PHLDB2: variants seen among roughly 807,000 people sequenced by gnomAD.
PHLDB2 encodes the protein pleckstrin homology-like domain family B member 2.
In PHLDB2, 71 loss-of-function variants were observed where a neutral mutation model predicts 123.6. The observed-to-expected ratio is 0.57, with a 90% CI of 0.47 to 0.70. PHLDB2 has a LOEUF of 0.70. PHLDB2 is among the 30% of genes least tolerant of loss of function. PHLDB2 has a pLI of 0.00. For missense variants in PHLDB2, 1,446 were observed against 1,519.5 expected, an observed-to-expected ratio of 0.95 and a Z score of 0.80; for synonymous variants, 547 against 541.6, an observed-to-expected ratio of 1.01 and a Z score of -0.14.
chr3:111,911,860 ATGTAT>A, intron 2 of PHLDB2: 1 of 739,876 alleles, frequency 1.4e-6, no homozygotes, highest in Admixed American at 2.2e-5. Flanking sequence ...CATTTGAGTA[ATGTAT>A]TTAATGGAAC....
chr3:111,939,387 G>A (rs1052361641), intron 6 of PHLDB2, 88 bp from the exon 7 acceptor site: 2 of 1,353,836 alleles, frequency 1.5e-6, no homozygotes, highest in Non-Finnish European at 2.0e-6. Context: ...AGATATCTTG[G>A]ACCAACTGCT....
rs376623815 is a variant in PHLDB2 at position 111,948,903 on chromosome 3, G to C, written c.2488-29G>C. ...GCATGCCTCAGCTTTTGCTTTCTTT[G>C]TGTTTAACTTCTGAATTCCTCCTTT... On this transcript the variant is annotated intron_variant, in intron 9 of 17. Coordinates refer to ENST00000431670, the MANE Select transcript of PHLDB2 (RefSeq NM_001134438.2). 885 of 1,610,726 alleles carry C rather than the reference G, an allele frequency of 5.5e-4. 1 individual carries two copies. Among genetic ancestry groups the C allele is most frequent in the Non-Finnish European group, 7.1e-4 (831 of 1,178,392 alleles).
intron 2 of PHLDB2, among the ~76,000 whole-genome samples, chr3:111,847,047 T>C (rs2064025968): frequency 1.3e-5 from 2 of 152,178 alleles, no homozygotes; most frequent in Admixed American, 1.3e-4. Flanking sequence ...GTGACTGGAA[T>C]GCTCCCTCCT....
chr3:111,917,738 A>G (rs972810449), intron 3 of PHLDB2: 1 of 152,256 alleles, frequency 6.6e-6, no homozygotes, highest in African/African-American at 2.4e-5. Context: ...CACTTTAGAA[A>G]GCTACAAAGT....
chr3:111,935,365 A>G lies in PHLDB2; in HGVS notation c.2130+2968A>G, dbSNP rs570623677. Among the ~76,000 whole-genome samples the G allele has an allele frequency of 9.9e-5, 15 of 152,216 alleles. No individual in the cohort carries two copies. The South Asian group carries it at 2.9e-3, about 29-fold the overall frequency. On this transcript the variant is annotated intron_variant, in intron 6 of 17. Coordinates refer to ENST00000431670, the MANE Select transcript of PHLDB2 (RefSeq NM_001134438.2). Reference sequence around the variant, plus strand: ...AAAGACCTTTTTACTGTCACTGGCTATAAAATTAGTTTATCCATTAGTCTT... The same window carrying G: ...AAAGACCTTTTTACTGTCACTGGCTGTAAAATTAGTTTATCCATTAGTCTT...
chr3:111,758,313 T>C (rs1267297025), intron 1 of PHLDB2, among the ~76,000 whole-genome samples: 1 of 152,188 alleles, frequency 6.6e-6, no homozygotes, highest in Non-Finnish European at 1.5e-5. Context: ...CAATGGTGGG[T>C]GCCCCTCCCC....
At chr3:111,781,414 A>G (rs2060472018) in intron 1 of PHLDB2, among the ~76,000 whole-genome samples, 1 of 152,020 alleles carries the variant, frequency 6.6e-6, no homozygotes, top group African/African-American at 2.4e-5. Flanking sequence ...TACATTCTGT[A>G]TCCACAGCCC....
chr3:111,816,798 T>A (rs561057629), intron 1 of PHLDB2, among the ~76,000 whole-genome samples: 2 of 152,336 alleles, frequency 1.3e-5, no homozygotes, highest in South Asian at 4.1e-4. Context: ...AGTGGAATGA[T>A]ATGACTTGGC....
intron 1 of PHLDB2, 50 bp from the exon 2 acceptor site, chr3:111,884,014 T>C: frequency 6.6e-7 from 1 of 1,514,044 alleles, no homozygotes; most frequent in East Asian, 2.3e-5. Context: ...AAGGGATTGT[T>C]CTTTTAAAAT....
chr3:111,966,052 T>A (rs2071729465), intron 13 of PHLDB2, among the ~76,000 whole-genome samples: 1 of 152,192 alleles, frequency 6.6e-6, no homozygotes, highest in African/African-American at 2.4e-5. Context: ...GGAGAAGTCA[T>A]GTTTTAATTG....
In PHLDB2 at chr3:111,927,967, A is replaced by G. The variant is rs1270409731; in HGVS notation, c.2002-4302A>G. On this transcript the variant is annotated intron_variant, in intron 5 of 17. Transcript: ENST00000431670. ...CTTTTAACCATCTAGCAGAATAAGT[A>G]GTCTTTTGACAAGCCTTGCGTTTTT... Among the ~76,000 whole-genome samples the G allele has an allele frequency of 2.0e-5, 3 of 152,272 alleles. No homozygotes were observed. The East Asian group carries it at 5.8e-4, about 29-fold the overall frequency.
intron 1 of PHLDB2, among the ~76,000 whole-genome samples, chr3:111,860,974 C>T (rs1282993): frequency 1.1e-3 from 166 of 152,224 alleles, no homozygotes; most frequent in African/African-American, 3.8e-3. Flanking sequence ...TTTTAAGCTT[C>T]CTAGTTTGGT....
At chr3:111,891,431 C>T (rs1827184) in intron 2 of PHLDB2, among the ~76,000 whole-genome samples, 90,867 of 150,822 alleles carry the variant, frequency 0.6, 28,097 homozygotes, top group East Asian at 0.94. Context: ...CTGGGTTGCG[C>T]GCTCCTTATG....
At chr3:111,800,181 A>G (rs1382254528) in intron 1 of PHLDB2, among the ~76,000 whole-genome samples, 1 of 151,914 alleles carries the variant, frequency 6.6e-6, no homozygotes, top group Non-Finnish European at 1.5e-5. Context: ...AGTTTTTGCA[A>G]TTTTCTGTAG....
At chr3:111,772,486 G>C (rs781381305) in intron 1 of PHLDB2, among the ~76,000 whole-genome samples, 2 of 152,082 alleles carry the variant, frequency 1.3e-5, no homozygotes, top group Non-Finnish European at 2.9e-5. Flanking sequence ...GTTTTTGTTT[G>C]GTTTAACCCC....
chr3:111,836,032 G>C (rs2108520017), intron 1 of PHLDB2, among the ~76,000 whole-genome samples: 1 of 152,336 alleles, frequency 6.6e-6, no homozygotes, highest in South Asian at 2.1e-4. Context: ...ATGTAAGCCA[G>C]TGGGGCCATT....
intron 1 of PHLDB2, among the ~76,000 whole-genome samples, chr3:111,756,941 G>GA (rs1455055457): frequency 6.6e-6 from 1 of 152,128 alleles, no homozygotes; most frequent in African/African-American, 2.4e-5. Context: ...ATTCTGGGTT[G>GA]AAAATTCTTT....
chr3:111,823,485 A>AATCACTG (rs2062503360), intron 1 of PHLDB2, among the ~76,000 whole-genome samples: 1 of 152,196 alleles, frequency 6.6e-6, no homozygotes, highest in South Asian at 2.1e-4. Flanking sequence ...CAATGCCCCT[A>AATCACTG]ATCACTGATC....
At chr3:111,850,431 T>G (rs972433874) in intron 2 of PHLDB2, among the ~76,000 whole-genome samples, 1 of 152,188 alleles carries the variant, frequency 6.6e-6, no homozygotes, top group African/African-American at 2.4e-5. Context: ...AATCTACTTG[T>G]ACCTAAAAAG....
Sources: gnomAD v4.1 joint callset for allele counts (sites outside exome capture counted in the v4.1 genomes callset) on GRCh38, gnomAD v4.1.1 for gene constraint, MANE v1.5 for transcripts, NCBI Gene and HGNC (gene_info 2026-07-23, HGNC 2026-07-21) for gene names.